The following CBFA2T2 variants were observed in gnomAD, a reference collection of about 807,000 sequenced individuals.
CBFA2T2 encodes protein CBFA2T2.
In CBFA2T2, 11 loss-of-function variants were observed where a neutral mutation model predicts 62.2. The observed-to-expected ratio is 0.18, with a 90% CI of 0.11 to 0.29. The LOEUF is 0.29. Among genes scored for constraint, CBFA2T2 ranks in the 10% least tolerant of loss-of-function variants. The pLI, the probability that CBFA2T2 is intolerant of heterozygous loss-of-function variation, is 1.00. For synonymous variants in CBFA2T2, 295 were observed against 287.5 expected (o/e 1.03, Z -0.27); for missense variants, 592 against 774.1 (o/e 0.76, Z 2.79).
At chr20:33,614,230 T>C (rs189892490) in intron 3 of CBFA2T2, among the ~76,000 whole-genome samples, 1 of 152,358 alleles carries the variant, frequency 6.6e-6, no homozygotes, top group Admixed American at 6.5e-5. Flanking sequence ...TTACCTTTTT[T>C]TTCCATAGTA....
chr20:33,519,316 A>C (rs955729355), intron 1 of CBFA2T2, among the ~76,000 whole-genome samples: 2 of 152,068 alleles, frequency 1.3e-5, no homozygotes, highest in African/African-American at 4.8e-5. Context: ...CTAAAAATGC[A>C]AAAATTAGCC....
chr20:33,579,125 T>G (rs368865827), intron 1 of CBFA2T2, among the ~76,000 whole-genome samples: 28 of 151,380 alleles, frequency 1.8e-4, no homozygotes, highest in Non-Finnish European at 4.4e-5. Context: ...GTTTTTTTTT[T>G]TTTTTAAGGA....
At chr20:33,624,067 T>C in intron 5 of CBFA2T2, 1 of 534,258 alleles carries the variant, frequency 1.9e-6, no homozygotes, top group South Asian at 2.8e-5. Flanking sequence ...TGAAAAAGTA[T>C]AGCAATTAAT....
At position 33,570,169 on chromosome 20, in the gene CBFA2T2, T is replaced by C. The variant is rs73622522; in HGVS notation, c.35-36787T>C. Among the ~76,000 whole-genome samples, 157 of 152,298 alleles carry C rather than the reference T, an allele frequency of 1.0e-3. 2 individuals carry two copies. In the East Asian group the frequency reaches 0.03, roughly 29 times the overall value. The stretch of plus-strand genomic sequence containing the variant: ...GGTGGCACATGCCTGTAATCCCAGC[T>C]ACTGGGGAGGCTGAGGCAGGAGAAT... On this transcript the variant is annotated intron_variant, in intron 1 of 10. Coordinates refer to ENST00000342704, the MANE Select transcript of CBFA2T2 (RefSeq NM_001032999.3).
At chr20:33,578,522 G>T (rs1038628161) in intron 1 of CBFA2T2, among the ~76,000 whole-genome samples, 2 of 152,184 alleles carry the variant, frequency 1.3e-5, no homozygotes, top group Non-Finnish European at 2.9e-5. Flanking sequence ...AGGTTGTAGA[G>T]TTGCCATACT....
intron 1 of CBFA2T2, among the ~76,000 whole-genome samples, chr20:33,593,279 C>A (rs527335979): frequency 2.0e-5 from 3 of 152,092 alleles, no homozygotes; most frequent in Admixed American, 1.3e-4. Flanking sequence ...TTGCAGTGAG[C>A]CGAGATTGTG....
At chr20:33,544,940 T>TAGAACAGAACAGAACAGAACAGAAC (rs1419558436) in intron 1 of CBFA2T2, among the ~76,000 whole-genome samples, 20 of 127,274 alleles carry the variant, frequency 1.6e-4, no homozygotes, top group African/African-American at 5.7e-4. Context: ...GTGAATAGAA[T>TAGAACAGAACAGAACAGAACAGAAC]AGAACAGAAT....
intron 3 of CBFA2T2, among the ~76,000 whole-genome samples, chr20:33,611,843 C>T (rs894623325): frequency 6.6e-6 from 1 of 152,120 alleles, no homozygotes; most frequent in African/African-American, 2.4e-5. Context: ...AAGAAACAAT[C>T]GATAATGTTT....
chr20:33,644,780 G>A lies in CBFA2T2; in HGVS notation c.*134G>A. On this transcript the variant is annotated 3_prime_UTR_variant, in exon 11 of 11. Transcript: ENST00000342704. ...TGAATTGGAGGCAGGAAGAGTCCAA[G>A]CCTGAATAATAACACCCCACAGCCT... 2.2e-6 allele frequency: 2 copies of A among 924,374 alleles called. No individual in the cohort carries two copies. Among genetic ancestry groups the A allele is most frequent in the South Asian group, 3.4e-5 (2 of 59,666 alleles). The allele number at this position is 924,374 out of a possible 1,614,324, so 57.3% of individuals were successfully genotyped here. A position where few individuals can be genotyped will look rare whatever the true frequency, so the allele number is the denominator to read the frequency against.
At chr20:33,592,405 TTATA>T (rs540303628) in intron 1 of CBFA2T2, among the ~76,000 whole-genome samples, 2 of 146,676 alleles carry the variant, frequency 1.4e-5, no homozygotes, top group Non-Finnish European at 3.0e-5. Flanking sequence ...TATGTAAAAA[TTATA>T]TATATAATTA....
intron 1 of CBFA2T2, among the ~76,000 whole-genome samples, chr20:33,597,754 T>C (rs1303901916): frequency 1.3e-5 from 2 of 152,232 alleles, no homozygotes; most frequent in African/African-American, 4.8e-5. Flanking sequence ...GGTAGGTACA[T>C]GGCCTCCCAA....
rs542307547 is a variant in CBFA2T2, at chr20:33,510,688, C to G, written c.34+20387C>G. Among the ~76,000 whole-genome samples the G allele has an allele frequency of 1.5e-4, 23 of 152,116 alleles. 1 individual carries two copies. Among genetic ancestry groups the G allele is most frequent in the Admixed American group, 1.3e-3 (20 of 15,256 alleles). On this transcript the variant is annotated intron_variant, in intron 1 of 10. Transcript: ENST00000342704. ...GCTGGGTCAAATGGTATTTCTAGTTCTAGATCCTTGAGGAATCACCACACT... is the reference window on the plus strand; with the variant it reads ...GCTGGGTCAAATGGTATTTCTAGTTGTAGATCCTTGAGGAATCACCACACT...
intron 1 of CBFA2T2, among the ~76,000 whole-genome samples, chr20:33,543,159 G>A (rs2012451578): frequency 6.6e-6 from 1 of 150,950 alleles, no homozygotes; most frequent in Non-Finnish European, 1.5e-5. Context: ...GATTACAGGC[G>A]CATGCCACCA....
At chr20:33,562,181 A>G (rs1302142296) in intron 1 of CBFA2T2, among the ~76,000 whole-genome samples, 2 of 152,074 alleles carry the variant, frequency 1.3e-5, no homozygotes, top group Non-Finnish European at 2.9e-5. Flanking sequence ...AGGGATTTGC[A>G]CAGATAGGTT....
At chr20:33,570,649 C>A (rs1370153771) in intron 1 of CBFA2T2, among the ~76,000 whole-genome samples, 1 of 152,170 alleles carries the variant, frequency 6.6e-6, no homozygotes, top group African/African-American at 2.4e-5. Context: ...GTGCTGTTAA[C>A]CCTTCTTTCT....
intron 1 of CBFA2T2, among the ~76,000 whole-genome samples, chr20:33,502,933 T>C (rs1237169490): frequency 2.0e-5 from 3 of 149,736 alleles, no homozygotes; most frequent in African/African-American, 7.3e-5. Flanking sequence ...TACTAAAAAA[T>C]ACAGAAAATT....
intron 1 of CBFA2T2, among the ~76,000 whole-genome samples, chr20:33,604,553 A>T (rs2015265006): frequency 6.6e-6 from 1 of 152,200 alleles, no homozygotes; most frequent in Admixed American, 6.5e-5. Context: ...TCAATCTGTA[A>T]ACAGTTCTCT....
In CBFA2T2 at chr20:33,510,425, A is replaced by G. The variant is rs940782409; in HGVS notation, c.34+20124A>G. Reference sequence around the variant, plus strand: ...GACGGGGTTTCAGTTGTTAGCCAGGATGGTCTCAATCTGCTGACCTCGTGA... The same window carrying G: ...GACGGGGTTTCAGTTGTTAGCCAGGGTGGTCTCAATCTGCTGACCTCGTGA... On this transcript the variant is annotated intron_variant, in intron 1 of 10. Coordinates refer to ENST00000342704, the MANE Select transcript of CBFA2T2 (RefSeq NM_001032999.3). 9.2e-5 allele frequency among the ~76,000 whole-genome samples: 14 copies of G among 151,848 alleles called. No individual in the cohort carries two copies. The East Asian group carries it at 2.3e-3, about 25-fold the overall frequency.
At chr20:33,507,930 A>G (rs1420367313) in intron 1 of CBFA2T2, among the ~76,000 whole-genome samples, 1 of 152,188 alleles carries the variant, frequency 6.6e-6, no homozygotes, top group East Asian at 1.9e-4. Context: ...CCAGCAAAGC[A>G]TGACCCAAGT....
Sources: allele counts gnomAD v4.1 joint callset (sites outside exome capture counted in the v4.1 genomes callset), GRCh38; gene constraint gnomAD v4.1.1; transcripts MANE v1.5; gene names NCBI Gene and HGNC (gene_info 2026-07-23, HGNC 2026-07-21).